RBM44: variants seen among roughly 807,000 people sequenced by gnomAD.
The protein encoded by RBM44 is RNA binding motif protein 44.
A neutral mutation model predicts 105.1 loss-of-function variants in RBM44; 66 were observed. The observed-to-expected ratio is 0.63, with a 90% CI of 0.52 to 0.77. The LOEUF (loss-of-function observed/expected upper bound fraction) is 0.77, where lower values mean the gene tolerates loss of function less well. Ranked by LOEUF, RBM44 falls within the 30% of genes least tolerant of loss-of-function variation. The probability of loss-of-function intolerance (pLI) is 0.00; values close to 1 mark genes in which losing one functional copy is unlikely to be tolerated. For synonymous variants in RBM44, 365 were observed against 417.6 expected, an observed-to-expected ratio of 0.87 and a Z score of 1.54; for missense variants, 1,122 against 1,207.8, an observed-to-expected ratio of 0.93 and a Z score of 1.05.
chr2:237,817,181 A>G lies in RBM44; in HGVS notation c.262A>G (p.Asn88Asp). Residue 88 changes from asparagine to aspartate, a missense_variant, in exon 3 of 16, where the codon AAC becomes GAC. By Grantham distance (23) the Asn-to-Asp change is conservative. Transcript: ENST00000316997. ...ATTTTTTTCAGTGAGTCAAGATACTAACACAGAGAGTACTCAGTTTCAGTC... is the reference window on the plus strand; with the variant it reads ...ATTTTTTTCAGTGAGTCAAGATACTGACACAGAGAGTACTCAGTTTCAGTC... ...EPFFSVSQDT[N>D]TESTQFQSSE... The G allele has an allele frequency of 6.2e-7, 1 of 1,604,202 alleles. No homozygotes were observed. The highest frequency in any genetic ancestry group is 8.5e-7 in the Non-Finnish European group (1 of 1,175,960).
intron 12 of RBM44, among the ~76,000 whole-genome samples, chr2:237,828,654 G>A (rs1039573776): frequency 6.6e-6 from 1 of 152,028 alleles, no homozygotes; most frequent in African/African-American, 2.4e-5. Flanking sequence ...ACGCTGTCTA[G>A]GGCTGATGAT....
At chr2:237,809,433 T>C (rs1318604651) in intron 1 of RBM44, among the ~76,000 whole-genome samples, 1 of 152,212 alleles carries the variant, frequency 6.6e-6, no homozygotes, top group African/African-American at 2.4e-5. Flanking sequence ...ATGTGTATAC[T>C]CAGTGTCTCT....
At chr2:237,831,246 G>C (rs866957336) in intron 13 of RBM44, among the ~76,000 whole-genome samples, 7 of 116,558 alleles carry the variant, frequency 6.0e-5, no homozygotes, top group African/African-American at 1.0e-4. Context: ...TTTTTTTTGG[G>C]GGGGGGGGGG....
chr2:237,800,341 G>GT (rs1377349161), intron 1 of RBM44, among the ~76,000 whole-genome samples: 3 of 152,118 alleles, frequency 2.0e-5, no homozygotes, highest in Non-Finnish European at 2.9e-5. Context: ...AGTTGTAAGA[G>GT]TTTTTTCTAT....
chr2:237,817,955 ATTG>A lies in RBM44; in HGVS notation c.1040_1042del (p.Val347del), dbSNP rs776008003. The A allele has an allele frequency of 6.2e-7, 1 of 1,604,918 alleles. No individual in the cohort carries two copies. ...AGGTAAAGATTTTTGTGGAAATAAA[ATTG>A]TTGAGAACAAAATATTACTGCACCT... On this transcript the variant is annotated inframe_deletion, in exon 3 of 16. Coordinates refer to ENST00000316997, the MANE Select transcript of RBM44 (RefSeq NM_001080504.3).
chr2:237,812,442 T>G (rs1475876306), intron 1 of RBM44, among the ~76,000 whole-genome samples: 1 of 152,220 alleles, frequency 6.6e-6, no homozygotes, highest in East Asian at 1.9e-4. Context: ...GTCATTAATT[T>G]ATTTTAATTA....
Position 237,841,047 on chromosome 2 carries a change from G to A in RBM44, c.*23-792G>A, listed in dbSNP as rs898385672. Among the ~76,000 whole-genome samples the A allele has an allele frequency of 2.0e-5, 3 of 152,184 alleles. No individual in the cohort carries two copies. The highest frequency in any genetic ancestry group is 6.5e-5 in the Admixed American group (1 of 15,270). The stretch of plus-strand genomic sequence containing the variant: ...AGAACTTAAAACAGAACTACCATTC[G>A]GGCCAGCAATCCCATTGTTGAGTAT... On this transcript the variant is annotated intron_variant, in intron 15 of 15. Coordinates refer to ENST00000316997, the MANE Select transcript of RBM44 (RefSeq NM_001080504.3). The surrounding 1 kb of genome is among the most constrained non-coding windows in gnomAD (Gnocchi z 4.5).
chr2:237,832,295 C>T (rs1046906513), intron 13 of RBM44, among the ~76,000 whole-genome samples: 2 of 151,996 alleles, frequency 1.3e-5, no homozygotes, highest in African/African-American at 4.8e-5. Flanking sequence ...GCTGGGACTG[C>T]AGGTGTGTCA....
intron 8 of RBM44, 139 bp from the exon 9 acceptor site, chr2:237,823,301 G>A (rs2061813333): frequency 1.9e-6 from 1 of 534,960 alleles, no homozygotes; most frequent in South Asian, 2.9e-5. Flanking sequence ...TCACATGTCA[G>A]GTCAGGTTGA....
rs1461486101 is a variant in RBM44, at chr2:237,818,180, A to G, written c.1261A>G (p.Asn421Asp). ...AMLPKIAVRD[N>D]QAIEDNTSLK... is the part of the protein sequence containing the mutation. ...GCTACCAAAGATCGCAGTCAGAGAT[A>G]ATCAGGCAATAGAAGATAATACGTC... Residue 421 changes from asparagine (N) to aspartate (D), a missense_variant, in exon 3 of 16, where the codon AAT (asparagine) becomes GAT (aspartate). Transcript: ENST00000316997. This position sits in a 1 kb window ranked among gnomAD's most constrained non-coding sequence, Gnocchi z 4.6. 6.2e-7 allele frequency: 1 copy of G among 1,613,170 alleles called. No homozygotes were observed. Among genetic ancestry groups the G allele is most frequent in the Non-Finnish European group, 8.5e-7 (1 of 1,179,494 alleles).
chr2:237,831,025 T>C (rs527604452), intron 13 of RBM44, among the ~76,000 whole-genome samples: 1 of 152,070 alleles, frequency 6.6e-6, no homozygotes, highest in African/African-American at 2.4e-5. Context: ...TTTTTTCCCT[T>C]AATAAGATAA....
At chr2:237,829,995 T>TA (rs917284070) in intron 13 of RBM44, among the ~76,000 whole-genome samples, 13 of 151,182 alleles carry the variant, frequency 8.6e-5, no homozygotes, top group South Asian at 4.2e-4. Context: ...CCACAGATTT[T>TA]AAAAAAAAAA....
rs775860272 is a variant in RBM44, at chr2:237,834,013, G to T, written c.2903G>T (p.Cys968Phe). 6.5e-7 allele frequency: 1 copy of T among 1,548,706 alleles called. No homozygotes were observed. Among genetic ancestry groups the T allele is most frequent in the Non-Finnish European group, 8.7e-7 (1 of 1,144,498 alleles). ...CTTATTTAGGGTGTCAAGAAGAATT[G>T]TAAGCAGATTGAATCTGCTAAATTA... is the stretch of plus-strand genomic sequence containing the variant. Reference protein sequence around the residue: ...FPSDQGVKKNCKQIESAKLLP... With the variant: ...FPSDQGVKKNFKQIESAKLLP... The change falls in exon 14 of 16, where the codon TGT becomes TTT. Residue 968 changes from cysteine to phenylalanine, a missense_variant. Transcript: ENST00000316997.
At chr2:237,840,007 G>A (rs951270363) in intron 15 of RBM44, among the ~76,000 whole-genome samples, 1 of 152,018 alleles carries the variant, frequency 6.6e-6, no homozygotes, top group Admixed American at 6.6e-5. Context: ...TGGGCAACAT[G>A]GTGAAACCCC....
intron 15 of RBM44, among the ~76,000 whole-genome samples, chr2:237,840,218 C>G (rs563328258): frequency 6.9e-6 from 1 of 144,424 alleles, no homozygotes; most frequent in Admixed American, 6.9e-5. Context: ...AAAGGGCACA[C>G]GGCACATAGA....
chr2:237,834,836 A>T (rs549651800), intron 15 of RBM44: 1 of 153,878 alleles, frequency 6.5e-6, no homozygotes, highest in Admixed American at 6.5e-5. Context: ...AGGCTCTTCC[A>T]TAAGGCTCTT....
At chr2:237,832,980 G>T (rs2061917909) in intron 13 of RBM44, among the ~76,000 whole-genome samples, 1 of 152,228 alleles carries the variant, frequency 6.6e-6, no homozygotes, top group African/African-American at 2.4e-5. Flanking sequence ...TACCATGGAA[G>T]ATGTACCCAG....
chr2:237,808,077 A>G (rs932317165), intron 1 of RBM44, among the ~76,000 whole-genome samples: 3 of 152,248 alleles, frequency 2.0e-5, no homozygotes, highest in South Asian at 2.1e-4. Flanking sequence ...TACTAAATAC[A>G]GACTGCAAAA....
Position 237,829,242 on chromosome 2 carries a change from A to C in RBM44, c.2626A>C (p.Asn876His). The C allele has an allele frequency of 6.2e-7, 1 of 1,611,240 alleles. No individual in the cohort carries two copies. The highest frequency in any genetic ancestry group is 1.7e-5 in the Admixed American group (1 of 59,612). The change falls in exon 13 of 16, where the codon AAC becomes CAC. Residue 876 changes from asparagine (N) to histidine (H), a missense_variant. Coordinates refer to ENST00000316997, the MANE Select transcript of RBM44 (RefSeq NM_001080504.3). ...ATATGCATCTCTTGCTTTTACAAAA[A>C]ACAGCGATGCAAAGATAGCTGTGAA... ...YRYASLAFTKNSDAKIAVKEM... is the reference protein window; with the variant it reads ...YRYASLAFTKHSDAKIAVKEM...
Sources: gnomAD v4.1 joint callset for allele counts (sites outside exome capture counted in the v4.1 genomes callset) on GRCh38, gnomAD v4.1.1 for gene constraint, Gnocchi (gnomAD v3.1) non-coding constraint, MANE v1.5 for transcripts, NCBI Gene and HGNC (gene_info 2026-07-23, HGNC 2026-07-21) for gene names.